POU6F2: variants seen among roughly 807,000 people sequenced by gnomAD.
The protein encoded by POU6F2 is POU domain, class 6, transcription factor 2.
A neutral mutation model predicts 71.3 loss-of-function variants in POU6F2; 31 were observed. That is an observed-to-expected ratio of 0.43 (90% CI 0.33 to 0.59). POU6F2 has a LOEUF of 0.59. POU6F2 is among the 20% of genes least tolerant of loss of function. The pLI is 0.04. For missense variants in POU6F2, 783 were observed against 856.8 expected, an observed-to-expected ratio of 0.91 and a Z score of 1.07; for synonymous variants, 347 against 355.7, an observed-to-expected ratio of 0.98 and a Z score of 0.27.
At chr7:39,019,191 T>C (rs1306740968) in intron 1 of POU6F2, among the ~76,000 whole-genome samples, 8 of 152,172 alleles carry the variant, frequency 5.3e-5, no homozygotes, top group Non-Finnish European at 1.0e-4. Flanking sequence ...CTTTATTTTG[T>C]CTCTACTCTT....
intron 2 of POU6F2, among the ~76,000 whole-genome samples, chr7:39,176,226 AT>A (rs1009946521): frequency 8.0e-4 from 122 of 152,274 alleles, no homozygotes; most frequent in African/African-American, 2.8e-3. Flanking sequence ...ATCTCTCAGC[AT>A]TTCAAGATTC....
intron 2 of POU6F2, among the ~76,000 whole-genome samples, chr7:39,197,608 G>A (rs1228528785): frequency 6.6e-6 from 1 of 152,210 alleles, no homozygotes; most frequent in South Asian, 2.1e-4. Context: ...GGGATGGAGC[G>A]CAGTGTTGAG....
chr7:39,430,479 CA>C (rs1457866222), intron 6 of POU6F2, among the ~76,000 whole-genome samples: 6 of 152,216 alleles, frequency 3.9e-5, no homozygotes, highest in African/African-American at 7.2e-5. Context: ...GGAACATAGG[CA>C]GCGCCATGTT....
rs920399223 is a variant in POU6F2 at position 39,275,749 on chromosome 7, A to C, written c.599-63893A>C. Among the ~76,000 whole-genome samples the C allele has an allele frequency of 4.0e-5, 6 of 150,242 alleles. 1 individual carries two copies. The highest frequency in any genetic ancestry group is 3.9e-4 in the East Asian group (2 of 5,164). On this transcript the variant is annotated intron_variant, in intron 4 of 9. Transcript: ENST00000518318. ...ACAGAGCCCTCAGAAATAACGCCGCATATCTACAACTATCTGATCTTTGAC... is the reference window on the plus strand; with the variant it reads ...ACAGAGCCCTCAGAAATAACGCCGCCTATCTACAACTATCTGATCTTTGAC...
At chr7:39,434,690 G>A (rs1184339119) in intron 7 of POU6F2, among the ~76,000 whole-genome samples, 1 of 151,726 alleles carries the variant, frequency 6.6e-6, no homozygotes, top group Non-Finnish European at 1.5e-5. Flanking sequence ...AAAAAAATGA[G>A]ATTCATGTGC....
At chr7:39,123,446 G>A (rs998908165) in intron 2 of POU6F2, among the ~76,000 whole-genome samples, 2 of 152,222 alleles carry the variant, frequency 1.3e-5, no homozygotes, top group Non-Finnish European at 2.9e-5. Flanking sequence ...AGATACTTGT[G>A]AAAATTATAT....
At chr7:39,007,961 A>G (rs1403365288) in intron 1 of POU6F2, among the ~76,000 whole-genome samples, 1 of 150,444 alleles carries the variant, frequency 6.6e-6, no homozygotes, top group Non-Finnish European at 1.5e-5. Context: ...AGTCTTTGCT[A>G]TTGTGAATAG....
At position 39,157,551 on chromosome 7, in the gene POU6F2, T is replaced by A. The variant is rs553820211; in HGVS notation, c.278-46684T>A. On this transcript the variant is annotated intron_variant, in intron 2 of 9. Coordinates refer to ENST00000518318, the MANE Select transcript of POU6F2 (RefSeq NM_001370959.1). ...GTGTATAGGGAATTGTGAAGTGGCA[T>A]CCTTCATATAAATATATTAAATATT... 2.0e-5 allele frequency among the ~76,000 whole-genome samples: 3 copies of A among 152,332 alleles called. No individual in the cohort carries two copies. In the East Asian group the frequency reaches 5.8e-4, roughly 29 times the overall value.
chr7:39,174,524 C>T (rs1297569781), intron 2 of POU6F2, among the ~76,000 whole-genome samples: 2 of 152,152 alleles, frequency 1.3e-5, no homozygotes, highest in Admixed American at 6.5e-5. Flanking sequence ...CACCTGCAAA[C>T]TTATCTGCAG....
chr7:39,267,815 G>A (rs1784277239), intron 4 of POU6F2, among the ~76,000 whole-genome samples: 1 of 151,922 alleles, frequency 6.6e-6, no homozygotes, highest in Admixed American at 6.6e-5. Flanking sequence ...ACCCTAATTA[G>A]CTAGTCTGCT....
intron 1 of POU6F2, among the ~76,000 whole-genome samples, chr7:39,033,479 G>A (rs1789990640): frequency 6.6e-6 from 1 of 152,166 alleles, no homozygotes; most frequent in Admixed American, 6.5e-5. Flanking sequence ...AAAAGTAGCT[G>A]GTGGAGAAAC....
chr7:39,129,773 A>T (rs927662385), intron 2 of POU6F2, among the ~76,000 whole-genome samples: 52 of 151,990 alleles, frequency 3.4e-4, no homozygotes, highest in Non-Finnish European at 4.7e-4. Context: ...TATTTAAAAA[A>T]TTTTTTTCGG....
chr7:39,161,724 G>A (rs549525626), intron 2 of POU6F2, among the ~76,000 whole-genome samples: 4 of 152,122 alleles, frequency 2.6e-5, no homozygotes, highest in South Asian at 2.1e-4. Flanking sequence ...ATACAAAAGC[G>A]GTACTATGCA....
At chr7:39,200,277 T>A (rs1017510582) in intron 2 of POU6F2, among the ~76,000 whole-genome samples, 1 of 152,168 alleles carries the variant, frequency 6.6e-6, no homozygotes, top group African/African-American at 2.4e-5. Flanking sequence ...CATAAAACAT[T>A]CACGTGAGCT....
intron 2 of POU6F2, chr7:39,132,347 A>G (rs1205611877): frequency 1.3e-5 from 2 of 152,178 alleles, no homozygotes; most frequent in African/African-American, 2.4e-5. Flanking sequence ...CATACCTTCT[A>G]ATTTTTTATC....
At chr7:39,138,809 G>C (rs1241429685) in intron 2 of POU6F2, among the ~76,000 whole-genome samples, 1 of 152,112 alleles carries the variant, frequency 6.6e-6, no homozygotes, top group Non-Finnish European at 1.5e-5. Flanking sequence ...CCACCAAACT[G>C]GTCCCTGGGA....
intron 4 of POU6F2, among the ~76,000 whole-genome samples, chr7:39,227,454 A>G (rs1414643502): frequency 6.6e-6 from 1 of 151,760 alleles, no homozygotes; most frequent in South Asian, 2.1e-4. Context: ...GGGGCTGCCC[A>G]TGTAGCATCA....
intron 5 of POU6F2, among the ~76,000 whole-genome samples, chr7:39,351,625 G>A (rs1786141227): frequency 6.6e-6 from 1 of 152,116 alleles, no homozygotes; most frequent in African/African-American, 2.4e-5. Context: ...ATTTGCATAT[G>A]GATCCACCTG....
chr7:39,422,319 G>A (rs932071326), intron 6 of POU6F2, among the ~76,000 whole-genome samples: 1 of 152,084 alleles, frequency 6.6e-6, no homozygotes, highest in Admixed American at 6.5e-5. Flanking sequence ...TCCTCCCACT[G>A]AATAAGTAAT....
Sources: allele counts gnomAD v4.1 joint callset (sites outside exome capture counted in the v4.1 genomes callset), GRCh38; gene constraint gnomAD v4.1.1; transcripts MANE v1.5; gene names NCBI Gene and HGNC (gene_info 2026-07-23, HGNC 2026-07-21).